Variants in PPP1R12B observed in about 807,000 individuals in gnomAD.
PPP1R12B encodes the protein myosin phosphatase target subunit 2.
A neutral mutation model predicts 126.1 loss-of-function variants in PPP1R12B; 76 were observed. The ratio of observed to expected loss-of-function variants is 0.60; its 90% confidence interval spans 0.50 to 0.73. The LOEUF (loss-of-function observed/expected upper bound fraction) is 0.73, where lower values mean the gene tolerates loss of function less well. Among genes scored for constraint, PPP1R12B ranks in the 30% least tolerant of loss-of-function variants. PPP1R12B has a pLI of 0.00. For missense variants in PPP1R12B, 1,052 were observed against 1,205.1 expected, an observed-to-expected ratio of 0.87 and a Z score of 1.88; for synonymous variants, 356 against 434.7, an observed-to-expected ratio of 0.82 and a Z score of 2.25.
intron 13 of PPP1R12B, among the ~76,000 whole-genome samples, chr1:202,459,169 T>A (rs1674002801): frequency 6.6e-6 from 1 of 152,224 alleles, no homozygotes; most frequent in South Asian, 2.1e-4. Flanking sequence ...TATAAAAGAA[T>A]ACATTATGAT....
At chr1:202,471,937 T>G (rs371604367) in intron 13 of PPP1R12B, 28 of 1,596,814 alleles carry the variant, frequency 1.8e-5, no homozygotes, top group East Asian at 1.3e-4. Flanking sequence ...CAGAGGACAG[T>G]GGAGCAGCCA....
chr1:202,452,081 G>T (rs186919654), intron 13 of PPP1R12B, among the ~76,000 whole-genome samples: 17,116 of 151,752 alleles, frequency 0.11, 1,119 homozygotes, highest in Middle Eastern at 0.16. Context: ...CGGCGGGGCA[G>T]AGGCGCTCCC....
intron 23 of PPP1R12B, among the ~76,000 whole-genome samples, chr1:202,580,061 C>G (rs923461305): frequency 2.0e-5 from 3 of 152,070 alleles, no homozygotes; most frequent in African/African-American, 7.2e-5. Context: ...AGTTGACCAC[C>G]ACCCCCTTTC....
Position 202,441,289 on chromosome 1 carries a change from C to T in PPP1R12B, c.1541+501C>T, listed in dbSNP as rs545855472. On this transcript the variant is annotated intron_variant, in intron 11 of 23. Transcript: ENST00000608999. Reference sequence around the variant, plus strand: ...AAATGTGATCTCAAACCTTAGCCAGCGGTATTGGCATCACCCGGGTACATT... The same window carrying T: ...AAATGTGATCTCAAACCTTAGCCAGTGGTATTGGCATCACCCGGGTACATT... Among the ~76,000 whole-genome samples, 20 of 152,268 alleles carry T rather than the reference C, an allele frequency of 1.3e-4. No homozygotes were observed. In the South Asian group the frequency reaches 3.5e-3, roughly 27 times the overall value.
chr1:202,534,896 A>G (rs1472106947), intron 18 of PPP1R12B, among the ~76,000 whole-genome samples: 1 of 152,182 alleles, frequency 6.6e-6, no homozygotes, highest in Non-Finnish European at 1.5e-5. Context: ...GAATATAAAA[A>G]CTGATATTTA....
intron 18 of PPP1R12B, among the ~76,000 whole-genome samples, chr1:202,498,935 C>A (rs1008751868): frequency 7.2e-5 from 11 of 152,122 alleles, no homozygotes; most frequent in African/African-American, 2.4e-4. Context: ...TTACCTAGTC[C>A]ACTCCTTGAG....
At chr1:202,360,748 C>T (rs1658025526) in intron 1 of PPP1R12B, among the ~76,000 whole-genome samples, 1 of 151,314 alleles carries the variant, frequency 6.6e-6, no homozygotes, top group Admixed American at 6.6e-5. Context: ...AAATAGTTAA[C>T]ATAGGTTTAG....
At chr1:202,548,774 CT>C (rs1685942453) in intron 18 of PPP1R12B, among the ~76,000 whole-genome samples, 4 of 113,982 alleles carry the variant, frequency 3.5e-5, no homozygotes, top group South Asian at 3.3e-4. Context: ...CACTCGCTCG[CT>C]GTCTCTCTCT....
intron 1 of PPP1R12B, among the ~76,000 whole-genome samples, chr1:202,396,354 A>G (rs145931328): frequency 1.4e-3 from 213 of 152,272 alleles, no homozygotes; most frequent in African/African-American, 4.9e-3. Flanking sequence ...GATGATGATA[A>G]TAATAGTAAT....
rs376291866 is a variant in PPP1R12B at position 202,591,340 on chromosome 1, GGGCTC to G, written c.*10781_*10785del. On this transcript the variant is annotated 3_prime_UTR_variant, in exon 24 of 24. Coordinates refer to ENST00000608999, the MANE Select transcript of PPP1R12B (RefSeq NM_002481.4). ...ACAGTTGCCAGGCCTGAGGCATCCT[GGGCTC>G]TTCCCATGCAGTACTGCCCTCAGGT... The G allele has an allele frequency of 1.2e-4, 18 of 151,968 alleles. No individual in the cohort carries two copies. Among genetic ancestry groups the G allele is most frequent in the African/African-American group, 4.3e-4 (18 of 41,524 alleles). 9.4% of individuals were successfully genotyped at this position (151,968 alleles called of 1,614,324 possible).
chr1:202,557,857 T>C (rs2149000644), intron 18 of PPP1R12B, among the ~76,000 whole-genome samples: 1 of 152,318 alleles, frequency 6.6e-6, no homozygotes, highest in Middle Eastern at 3.4e-3. Flanking sequence ...GTGCTGTCAC[T>C]GTATACCTCT....
chr1:202,349,098 G>A lies in PPP1R12B; in HGVS notation c.247G>A (p.Asp83Asn), dbSNP rs1192817240. Residue 83 changes from aspartate (D) to asparagine (N), a missense_variant, in exon 1 of 24, where the codon GAT (aspartate) becomes AAT (asparagine). Coordinates refer to ENST00000608999, the MANE Select transcript of PPP1R12B (RefSeq NM_002481.4). ...EVRKLLARGADINTVNVDGLT... is the reference protein window; with the variant it reads ...EVRKLLARGANINTVNVDGLT... ...GAGAAAGCTTCTGGCAAGAGGTGCT[G>A]ATATCAACACGGTCAACGTGGACGG... 2.5e-6 allele frequency: 4 copies of A among 1,614,002 alleles called. No homozygotes were observed. In the African/African-American group the frequency reaches 4.0e-5, roughly 16 times the overall value.
chr1:202,503,501 T>G (rs1179616883), intron 18 of PPP1R12B, among the ~76,000 whole-genome samples: 1 of 152,226 alleles, frequency 6.6e-6, no homozygotes, highest in East Asian at 1.9e-4. Flanking sequence ...AGGGCCAAGC[T>G]GGAACTACAT....
chr1:202,439,364 A>T (rs878923931), intron 10 of PPP1R12B: 1 of 1,313,440 alleles, frequency 7.6e-7, no homozygotes, highest in South Asian at 1.2e-5. Context: ...TCCACGCAGA[A>T]CTCTTGAAGC....
rs1571703621 is a variant in PPP1R12B, at chr1:202,379,482, T to C, written c.291+30340T>C. On this transcript the variant is annotated intron_variant, in intron 1 of 23. Transcript: ENST00000608999. ...TCCCCATCTCCACCGTCTACTGAGT[T>C]ACCAGGACTTGTCAGTTCTATCTGT... Among the ~76,000 whole-genome samples the C allele has an allele frequency of 7.9e-5, 12 of 152,372 alleles. No homozygotes were observed. The East Asian group carries it at 2.3e-3, about 29-fold the overall frequency.
chr1:202,533,960 C>A (rs1472540331), intron 18 of PPP1R12B, among the ~76,000 whole-genome samples: 2 of 152,168 alleles, frequency 1.3e-5, no homozygotes, highest in Admixed American at 6.5e-5. Flanking sequence ...ATTAATACTT[C>A]TTTCTTGGAT....
At chr1:202,465,214 G>A (rs1674821869) in intron 13 of PPP1R12B, among the ~76,000 whole-genome samples, 1 of 152,166 alleles carries the variant, frequency 6.6e-6, no homozygotes, top group Non-Finnish European at 1.5e-5. Context: ...TGAAAAGCCA[G>A]AATTCAAAAC....
intron 13 of PPP1R12B, among the ~76,000 whole-genome samples, chr1:202,457,726 T>C (rs1226981501): frequency 6.6e-6 from 1 of 152,100 alleles, no homozygotes; most frequent in Non-Finnish European, 1.5e-5. Context: ...TTAGATTGAA[T>C]AGGGTGACAA....
chr1:202,410,447 AG>A (rs1158339978), intron 1 of PPP1R12B, among the ~76,000 whole-genome samples: 1 of 152,260 alleles, frequency 6.6e-6, no homozygotes, highest in Non-Finnish European at 1.5e-5. Context: ...CAAGGCAGGT[AG>A]TATTAGTGAT....
Sources: gnomAD v4.1 joint callset for allele counts (sites outside exome capture counted in the v4.1 genomes callset) on GRCh38, gnomAD v4.1.1 for gene constraint, MANE v1.5 for transcripts, NCBI Gene and HGNC (gene_info 2026-07-23, HGNC 2026-07-21) for gene names.